Variants in GON4L observed in about 807,000 individuals in gnomAD.
The protein encoded by GON4L is gon-4 like, also known as GON-4-like protein.
GON4L carries 87 observed loss-of-function variants against 211.8 expected under a neutral mutation model. The ratio of observed to expected loss-of-function variants is 0.41; its 90% CI spans 0.35 to 0.49. GON4L has a LOEUF of 0.49. Ranked by LOEUF, GON4L falls within the 20% of genes least tolerant of loss-of-function variation. The pLI is 0.15. For synonymous variants in GON4L, 875 were observed against 962.6 expected (o/e 0.91, Z 1.68); for missense variants, 2,155 against 2,659.5 (o/e 0.81, Z 4.17).
At chr1:155,786,123 C>CAAA (rs1216036941) in intron 12 of GON4L, among the ~76,000 whole-genome samples, 18 of 151,026 alleles carry the variant, frequency 1.2e-4, no homozygotes, top group East Asian at 7.9e-4. Context: ...ACAACAACAA[C>CAAA]AAAACACATT....
chr1:155,794,780 C>T (rs1256077284), intron 12 of GON4L, among the ~76,000 whole-genome samples: 1 of 152,144 alleles, frequency 6.6e-6, no homozygotes, highest in African/African-American at 2.4e-5. Flanking sequence ...GGCTGAACTC[C>T]TACAGCACAG....
chr1:155,826,803 GTTTCA>G (rs1669256834), intron 3 of GON4L, 29 bp downstream of exon 3: 9 of 1,350,894 alleles, frequency 6.7e-6, no homozygotes, highest in Non-Finnish European at 8.5e-6. Context: ...CAATAAAGAG[GTTTCA>G]TTTAATTAAA....
At chr1:155,836,297 T>G (rs1353917340) in intron 2 of GON4L, among the ~76,000 whole-genome samples, 2 of 140,106 alleles carry the variant, frequency 1.4e-5, no homozygotes, top group Non-Finnish European at 1.5e-5. Context: ...TCACCCAGGG[T>G]GGAGTGCAGT....
intron 11 of GON4L, among the ~76,000 whole-genome samples, chr1:155,797,571 T>C (rs538688832): frequency 1.3e-5 from 2 of 150,790 alleles, no homozygotes; most frequent in African/African-American, 4.9e-5. Flanking sequence ...GGGCCAAGCA[T>C]GGTGGCTCAC....
intron 2 of GON4L, among the ~76,000 whole-genome samples, chr1:155,852,160 C>G (rs1671852910): frequency 4.7e-5 from 1 of 21,090 alleles, no homozygotes; most frequent in Non-Finnish European, 1.2e-4. Context: ...GCGAGACTGT[C>G]ACAAAAAAAA....
upstream of GON4L, among the ~76,000 whole-genome samples, chr1:155,857,667 G>T (rs1749413): frequency 0.94 from 142,348 of 152,088 alleles, 67,387 homozygotes; most frequent in East Asian, 1. Context: ...AGACGGAGGT[G>T]GCAGTGAGCC....
chr1:155,856,945 C>T (rs1426173349), intron 1 of GON4L, among the ~76,000 whole-genome samples: 4 of 152,096 alleles, frequency 2.6e-5, no homozygotes, highest in Non-Finnish European at 5.9e-5. Flanking sequence ...AAAACATTTT[C>T]AAAAGGGGTC....
chr1:155,806,793 C>T (rs1275952329), intron 10 of GON4L, among the ~76,000 whole-genome samples: 1 of 152,150 alleles, frequency 6.6e-6, no homozygotes, highest in Non-Finnish European at 1.5e-5. Flanking sequence ...ATTGTTTCCA[C>T]TGTGGGGCAA....
chr1:155,763,772 G>A (rs1007756139), intron 21 of GON4L, among the ~76,000 whole-genome samples: 2 of 152,142 alleles, frequency 1.3e-5, no homozygotes, highest in African/African-American at 4.8e-5. Flanking sequence ...GGAGGCCGAG[G>A]TGGGTGGATC....
At chr1:155,855,955 C>T (rs1241281162) in intron 1 of GON4L, among the ~76,000 whole-genome samples, 1 of 134,818 alleles carries the variant, frequency 7.4e-6, no homozygotes, top group Non-Finnish European at 1.5e-5. Context: ...GCACTCCACC[C>T]TGGGCAACAG....
intron 12 of GON4L, among the ~76,000 whole-genome samples, chr1:155,790,938 T>G (rs1156333338): frequency 2.7e-5 from 4 of 148,430 alleles, no homozygotes; most frequent in Non-Finnish European, 4.5e-5. Context: ...GCGAGACTCC[T>G]TCTCAAAAAA....
intron 19 of GON4L, among the ~76,000 whole-genome samples, chr1:155,770,619 C>T (rs1209008034): frequency 2.0e-5 from 3 of 152,180 alleles, no homozygotes; most frequent in Non-Finnish European, 2.9e-5. Context: ...GAGGCCAAGG[C>T]GGGTGGATCA....
chr1:155,806,478 T>TG (rs1027877026), intron 10 of GON4L, among the ~76,000 whole-genome samples: 1 of 151,580 alleles, frequency 6.6e-6, no homozygotes, highest in Non-Finnish European at 1.5e-5. Context: ...GAGATGGGGG[T>TG]GGGGGGACTC....
At chr1:155,800,547 A>G (rs564640121) in intron 11 of GON4L, among the ~76,000 whole-genome samples, 1 of 146,346 alleles carries the variant, frequency 6.8e-6, no homozygotes, top group South Asian at 2.2e-4. Context: ...ACAAGAGTGA[A>G]ACTCTCTCAA....
At chr1:155,772,053 C>T (rs1663245127) in intron 18 of GON4L, among the ~76,000 whole-genome samples, 1 of 151,748 alleles carries the variant, frequency 6.6e-6, no homozygotes, top group Admixed American at 6.6e-5. Flanking sequence ...ATGCCAGCTA[C>T]TTGGTCAGGA....
intron 24 of GON4L, among the ~76,000 whole-genome samples, chr1:155,759,983 GAT>G (rs34157141): frequency 4.2e-4 from 56 of 134,110 alleles, no homozygotes; most frequent in South Asian, 9.2e-4. Context: ...ATATATATAT[GAT>G]ATATATATAT....
chr1:155,777,808 T>C lies in GON4L; in HGVS notation c.1905A>G (p.Pro635=), dbSNP rs762539254. The change falls in exon 15 of 32, where the codon CCA becomes CCG. Residue 635 remains proline, a synonymous_variant. Coordinates refer to ENST00000368331, the MANE Select transcript of GON4L (RefSeq NM_001282860.2). Reference sequence around the variant, plus strand: ...GTTGTTCATTTAACAGGTTGGCCAGTGGTTCCTCAAACCTATTCCCAACAG... The same window carrying C: ...GTTGTTCATTTAACAGGTTGGCCAGCGGTTCCTCAAACCTATTCCCAACAG... The part of the protein sequence containing the change: ...NTPQALRFEE[P]LANLLNEQHR... 10 of 1,610,472 alleles carry C rather than the reference T, an allele frequency of 6.2e-6. No homozygotes were observed. The South Asian group carries it at 8.8e-5, about 14-fold the overall frequency.
intron 11 of GON4L, among the ~76,000 whole-genome samples, chr1:155,798,479 G>A (rs1176181778): frequency 4.1e-5 from 6 of 145,230 alleles, no homozygotes; most frequent in Non-Finnish European, 7.5e-5. Flanking sequence ...GGGCGATCTC[G>A]GCTCGCTGCA....
chr1:155,803,395 C>T (rs1047619120), intron 11 of GON4L, among the ~76,000 whole-genome samples: 4 of 152,130 alleles, frequency 2.6e-5, no homozygotes, highest in African/African-American at 9.7e-5. Flanking sequence ...CAGGCGTGCA[C>T]CACCACGCCC....
Sources: allele counts gnomAD v4.1 joint callset (sites outside exome capture counted in the v4.1 genomes callset), GRCh38; gene constraint gnomAD v4.1.1; transcripts MANE v1.5; gene names NCBI Gene and HGNC (gene_info 2026-07-23, HGNC 2026-07-21).